WWC1: variants seen among roughly 807,000 people sequenced by gnomAD.
WWC1 encodes WW and C2 domain containing 1.
WWC1 carries 55 observed loss-of-function variants against 138.4 expected under a neutral mutation model. The ratio of observed to expected loss-of-function variants is 0.40; its 90% CI spans 0.32 to 0.50. The LOEUF (loss-of-function observed/expected upper bound fraction) is 0.50, where lower values mean the gene tolerates loss of function less well. WWC1 is among the 20% of genes least tolerant of loss of function. The pLI, the probability that WWC1 is intolerant of heterozygous loss-of-function variation, is 0.72. For synonymous variants in WWC1, 524 were observed against 564.9 expected, an observed-to-expected ratio of 0.93 and a Z score of 1.03; for missense variants, 1,226 against 1,420.4, an observed-to-expected ratio of 0.86 and a Z score of 2.20.
chr5:168,439,258 A>T (rs1178198806), intron 15 of WWC1, among the ~76,000 whole-genome samples: 1 of 152,134 alleles, frequency 6.6e-6, no homozygotes, highest in Non-Finnish European at 1.5e-5. Context: ...TTACATGACT[A>T]TATAATATTC....
chr5:168,346,826 C>G (rs1296426168), intron 1 of WWC1, among the ~76,000 whole-genome samples: 1 of 152,010 alleles, frequency 6.6e-6, no homozygotes, highest in South Asian at 2.1e-4. Flanking sequence ...CCATGTAAAA[C>G]AATTAGAGGA....
chr5:168,384,602 G>A (rs1218946085), intron 2 of WWC1, among the ~76,000 whole-genome samples: 1 of 151,852 alleles, frequency 6.6e-6, no homozygotes, highest in Admixed American at 6.6e-5. Context: ...ATTACCTTGA[G>A]CATCTCTAAT....
chr5:168,313,468 G>T (rs1329151756), intron 1 of WWC1, among the ~76,000 whole-genome samples: 1 of 152,030 alleles, frequency 6.6e-6, no homozygotes, highest in South Asian at 2.1e-4. Flanking sequence ...GCGGGCATCT[G>T]TTATCCCAGC....
chr5:168,391,523 G>A (rs1582133051), intron 3 of WWC1, among the ~76,000 whole-genome samples: 2 of 151,772 alleles, frequency 1.3e-5, no homozygotes, highest in Admixed American at 6.6e-5. Flanking sequence ...GCTGGGCGTG[G>A]TGGTGGGTGC....
At chr5:168,342,286 CGGAGCTGAT>C (rs972081365) in intron 1 of WWC1, among the ~76,000 whole-genome samples, 12 of 152,218 alleles carry the variant, frequency 7.9e-5, no homozygotes, top group African/African-American at 2.9e-4. Context: ...TAGGAGCTGA[CGGAGCTGAT>C]GGAGCTGAAC....
intron 9 of WWC1, 40 bp downstream of exon 9, chr5:168,414,630 A>C (rs1434809662): frequency 2.6e-6 from 4 of 1,517,780 alleles, no homozygotes; most frequent in Non-Finnish European, 3.5e-6. Context: ...CCCTTCTCTC[A>C]CTGGCAGTCT....
chr5:168,408,753 G>T lies in WWC1; in HGVS notation c.867+100G>T. The T allele has an allele frequency of 2.0e-6, 3 of 1,523,686 alleles. No individual in the cohort carries two copies. The South Asian group carries it at 3.7e-5, about 19-fold the overall frequency. The allele number at this position is 1,523,686 out of a possible 1,614,324, so 94.4% of individuals were successfully genotyped here. ...CTTCTCATGGCTCACCAGGGAGCTG[G>T]CCAGGGGTTCTCTGCAGGGCTGGCT... On this transcript the variant is annotated intron_variant, in intron 7 of 22. Transcript: ENST00000265293.
chr5:168,330,937 T>A (rs1019431032), intron 1 of WWC1, among the ~76,000 whole-genome samples: 1 of 152,182 alleles, frequency 6.6e-6, no homozygotes, highest in African/African-American at 2.4e-5. Context: ...CCCTCAGTGC[T>A]GAGCTGCCAA....
intron 1 of WWC1, among the ~76,000 whole-genome samples, chr5:168,302,260 T>C (rs1311217793): frequency 6.6e-6 from 1 of 152,190 alleles, no homozygotes; most frequent in Non-Finnish European, 1.5e-5. Context: ...GGCATTGGCA[T>C]TTATCACGTC....
intron 1 of WWC1, among the ~76,000 whole-genome samples, chr5:168,325,288 C>T (rs1164294526): frequency 6.6e-6 from 1 of 152,212 alleles, no homozygotes; most frequent in Non-Finnish European, 1.5e-5. Flanking sequence ...CTGCCAAGCT[C>T]ACGTGTGATG....
At chr5:168,465,336 A>G (rs1757171069) in intron 21 of WWC1, among the ~76,000 whole-genome samples, 1 of 152,084 alleles carries the variant, frequency 6.6e-6, no homozygotes, top group African/African-American at 2.4e-5. Flanking sequence ...ACCTGCCTCG[A>G]TGCCTGCCCA....
chr5:168,311,889 A>AC (rs1223493448), intron 1 of WWC1, among the ~76,000 whole-genome samples: 2 of 151,046 alleles, frequency 1.3e-5, no homozygotes, highest in South Asian at 2.1e-4. Context: ...AAAAAAAAAA[A>AC]ATTACAAAAA....
intron 19 of WWC1, among the ~76,000 whole-genome samples, chr5:168,458,486 G>A (rs372051509): frequency 3.3e-5 from 5 of 152,206 alleles, no homozygotes; most frequent in African/African-American, 1.2e-4. Context: ...TATGTCACTT[G>A]GTTAGTTTTG....
chr5:168,465,645 C>T lies in WWC1; in HGVS notation c.3150+683C>T, dbSNP rs568377121. Among the ~76,000 whole-genome samples, 374 of 146,310 alleles carry T rather than the reference C, an allele frequency of 2.6e-3. 1 individual carries two copies. The highest frequency in any genetic ancestry group is 8.7e-3 in the African/African-American group (341 of 39,362). ...CATGATGGCTCACTGCAACCTCCAC[C>T]TCCCAGGCTCTAATTGATCCTCCCA... is the stretch of plus-strand genomic sequence containing the variant. On this transcript the variant is annotated intron_variant, in intron 21 of 22. Coordinates refer to ENST00000265293, the MANE Select transcript of WWC1 (RefSeq NM_015238.3).
chr5:168,451,729 AAAG>A (rs960758649), intron 17 of WWC1, among the ~76,000 whole-genome samples: 2 of 152,136 alleles, frequency 1.3e-5, no homozygotes, highest in African/African-American at 4.8e-5. Flanking sequence ...AAGAAAGAAA[AAAG>A]AAGAAAATGC....
At chr5:168,355,971 C>T (rs1197354250) in intron 1 of WWC1, among the ~76,000 whole-genome samples, 1 of 151,688 alleles carries the variant, frequency 6.6e-6, no homozygotes, top group East Asian at 1.9e-4. Flanking sequence ...CAGTGATTCT[C>T]TTGGGGGGGC....
In WWC1 at chr5:168,455,536, GCCCTCTTCTGCTCCCCTC is replaced by G. The variant is rs763293340; in HGVS notation, c.2823+17_2823+34del. 10 of 1,610,012 alleles carry G rather than the reference GCCCTCTTCTGCTCCCCTC, an allele frequency of 6.2e-6. No homozygotes were observed. The South Asian group carries it at 1.1e-4, about 18-fold the overall frequency. ...CGTGTGCCGGGTAAGTGAGCGTGCG[GCCCTCTTCTGCTCCCCTC>G]AGGGTAGCCGAGAGCTTCACACAGG... On this transcript the variant is annotated intron_variant, in intron 19 of 22. Coordinates refer to ENST00000265293, the MANE Select transcript of WWC1 (RefSeq NM_015238.3).
chr5:168,390,399 A>G lies in WWC1; in HGVS notation c.433+4985A>G, dbSNP rs144943380. ...CAATACAGTTCCTCAGCCTTGTGAT[A>G]TGACTTCCAGACACTCCCAAGAGCT... On this transcript the variant is annotated intron_variant, in intron 3 of 22. Transcript: ENST00000265293. Among the ~76,000 whole-genome samples the G allele has an allele frequency of 5.8e-3, 882 of 152,332 alleles. 11 individuals carry two copies. Among genetic ancestry groups the G allele is most frequent in the African/African-American group, 0.02 (845 of 41,568 alleles).
chr5:168,442,650 A>T (rs1317874012), intron 16 of WWC1, among the ~76,000 whole-genome samples: 1 of 151,736 alleles, frequency 6.6e-6, no homozygotes, highest in East Asian at 1.9e-4. Context: ...CACCCTGGCC[A>T]ACATGGTGAA....
Sources: allele counts gnomAD v4.1 joint callset (sites outside exome capture counted in the v4.1 genomes callset), GRCh38; gene constraint gnomAD v4.1.1; transcripts MANE v1.5; gene names NCBI Gene and HGNC (gene_info 2026-07-23, HGNC 2026-07-21).